Variants in LRRC37B observed in about 807,000 individuals in gnomAD.
LRRC37B encodes the protein leucine-rich repeat-containing protein 37B.
Under a neutral mutation model 98.3 loss-of-function variants are expected in LRRC37B, and 28 were observed. The observed-to-expected ratio is 0.28, with a 90% CI of 0.21 to 0.39. The LOEUF is 0.39. LRRC37B is among the 10% of genes least tolerant of loss of function. LRRC37B has a pLI of 1.00. For missense variants in LRRC37B, 938 were observed against 1,182.7 expected, an observed-to-expected ratio of 0.79 and a Z score of 3.03; for synonymous variants, 364 against 442.7, an observed-to-expected ratio of 0.82 and a Z score of 2.23.
In LRRC37B at chr17:32,032,906, G is replaced by A. The variant is rs374149505; in HGVS notation, c.2057+1448G>A. On this transcript the variant is annotated intron_variant, in intron 5 of 11. Transcript: ENST00000327564. The stretch of plus-strand genomic sequence containing the variant: ...TGGCCAGGAGCGGTGGCTCATGCCT[G>A]TAATTCCAGCACTTCTGAAGGCTGA... Among the ~76,000 whole-genome samples the A allele has an allele frequency of 2.3e-4, 35 of 152,312 alleles. No homozygotes were observed. The East Asian group carries it at 3.5e-3, about 15-fold the overall frequency.
At chr17:32,049,252 G>T (rs777212275) in exon 10 of LRRC37B, 6 of 1,612,948 alleles carry the variant, frequency 3.7e-6, no homozygotes, top group African/African-American at 1.3e-5. Flanking sequence ...CTCATGTTGC[G>T]AACAGGCCTC....
intron 9 of LRRC37B, among the ~76,000 whole-genome samples, chr17:32,048,661 T>C (rs965653435): frequency 6.6e-6 from 1 of 152,200 alleles, no homozygotes; most frequent in Non-Finnish European, 1.5e-5. Context: ...CTCACTCCCG[T>C]GTGGCCCACA....
intron 10 of LRRC37B, among the ~76,000 whole-genome samples, chr17:32,049,602 C>T (rs973371660): frequency 1.2e-4 from 19 of 152,150 alleles, no homozygotes; most frequent in African/African-American, 4.1e-4. Flanking sequence ...GGTGGTAGCT[C>T]ATGCCTGTAA....
chr17:32,010,921 A>G (rs1392708776), intron 1 of LRRC37B, among the ~76,000 whole-genome samples: 1 of 151,882 alleles, frequency 6.6e-6, no homozygotes, highest in African/African-American at 2.4e-5. Flanking sequence ...ACTTAACATA[A>G]TGTCCTCCAG....
intron 1 of LRRC37B, among the ~76,000 whole-genome samples, chr17:32,015,136 G>A (rs1910624052): frequency 6.6e-6 from 1 of 152,044 alleles, no homozygotes; most frequent in Non-Finnish European, 1.5e-5. Flanking sequence ...TCAAAAAAAA[G>A]AAAGCACCTG....
chr17:32,010,379 T>A (rs762891512), intron 1 of LRRC37B, among the ~76,000 whole-genome samples: 2 of 152,258 alleles, frequency 1.3e-5, no homozygotes, highest in Non-Finnish European at 2.9e-5. Flanking sequence ...GTTATTCTTT[T>A]GATTATTACA....
rs771383034 is a variant in LRRC37B, at chr17:32,049,354, A to G, written c.2717A>G (p.Asn906Ser). Residue 906 changes from asparagine to serine, a missense_variant, in exon 10 of 12, where the codon AAC becomes AGC. By Grantham distance (46) the Asn-to-Ser change is conservative. Around this residue, in one of 2 missense-constraint regions of LRRC37B, gnomAD observed 328 missense variants for 557.0 expected, o/e 0.59. Transcript: ENST00000327564. Reference sequence around the variant, plus strand: ...CAAAAAACAAATTATATTAATGAGAACATGGAACAGAATGAACAGAAAGAG... The same window carrying G: ...CAAAAAACAAATTATATTAATGAGAGCATGGAACAGAATGAACAGAAAGAG... 2.5e-6 allele frequency: 4 copies of G among 1,612,560 alleles called. No individual in the cohort carries two copies. The East Asian group carries it at 8.9e-5, about 36-fold the overall frequency.
chr17:32,015,873 G>A (rs536746582), intron 1 of LRRC37B, among the ~76,000 whole-genome samples: 2 of 152,334 alleles, frequency 1.3e-5, no homozygotes, highest in Non-Finnish European at 2.9e-5. Flanking sequence ...ATGGAGGACC[G>A]TACAAAGTGT....
At chr17:32,035,114 T>C (rs1212005787) in intron 6 of LRRC37B, 133 bp downstream of exon 9, 2 of 674,244 alleles carry the variant, frequency 3.0e-6, no homozygotes, top group Non-Finnish European at 4.9e-6. Context: ...AAAAAAGTTA[T>C]TGGCAAAGAA....
chr17:32,032,330 C>G (rs1431391821), intron 5 of LRRC37B, among the ~76,000 whole-genome samples: 5 of 151,838 alleles, frequency 3.3e-5, no homozygotes, highest in African/African-American at 1.2e-4. Context: ...GCGTGAGCCA[C>G]CATGCCTGGC....
chr17:32,040,357 T>G, intron 7 of LRRC37B: 2 of 401,840 alleles, frequency 5.0e-6, no homozygotes, highest in Middle Eastern at 7.9e-4. Context: ...GTGGGGCCCC[T>G]GAGGCGTGCA....
chr17:32,031,678 T>C (rs1911113576), intron 5 of LRRC37B, among the ~76,000 whole-genome samples: 1 of 151,678 alleles, frequency 6.6e-6, no homozygotes, highest in Non-Finnish European at 1.5e-5. Context: ...ACCTATGGCA[T>C]GGGCAAGAAA....
chr17:32,022,680 C>G (rs1195408402), exon 1 of LRRC37B: 1 of 1,613,914 alleles, frequency 6.2e-7, no homozygotes, highest in Non-Finnish European at 8.5e-7. Flanking sequence ...ACCAGAGGAA[C>G]AGAAGGCCTC....
At chr17:32,007,801 G>A, upstream of LRRC37B, 1 of 1,186,072 alleles carries the variant, frequency 8.4e-7, no homozygotes, top group Middle Eastern at 3.4e-4. This position sits in a 1 kb window ranked among gnomAD's most constrained non-coding sequence, Gnocchi z 4.1. Context: ...AGCTCGCCCA[G>A]GGTGGGCAGC....
intron 11 of LRRC37B, 45 bp from the exon 15 acceptor site, chr17:32,053,221 G>C (rs368242809): frequency 1.5e-6 from 2 of 1,336,252 alleles, no homozygotes; most frequent in East Asian, 4.6e-5. Flanking sequence ...TGGAGATAGT[G>C]GTTGTTGTGA....
intron 11 of LRRC37B, 160 bp from the exon 15 acceptor site, chr17:32,053,106 T>G (rs1911805257): frequency 1.6e-6 from 1 of 639,782 alleles, no homozygotes; most frequent in East Asian, 2.9e-5. Flanking sequence ...GACTGAACTG[T>G]GGAAGAATCA....
chr17:32,018,496 T>C (rs529695866), upstream of LRRC37B, among the ~76,000 whole-genome samples: 1 of 152,284 alleles, frequency 6.6e-6, no homozygotes, highest in African/African-American at 2.4e-5. Flanking sequence ...CCTAAAGTCT[T>C]GACCCTTGGT....
upstream of LRRC37B, chr17:32,020,606 A>C (rs1031905742): frequency 2.0e-6 from 1 of 502,832 alleles, no homozygotes; most frequent in African/African-American, 2.1e-5. Context: ...ATTATCAAAC[A>C]TGCGACAGTT....
chr17:32,033,566 T>C (rs1207288299), intron 5 of LRRC37B, among the ~76,000 whole-genome samples: 1 of 152,220 alleles, frequency 6.6e-6, no homozygotes, highest in Non-Finnish European at 1.5e-5. Flanking sequence ...TCCTCATTTA[T>C]AAAATAGGGC....
Sources: allele counts gnomAD v4.1 joint callset (sites outside exome capture counted in the v4.1 genomes callset), GRCh38; gene constraint gnomAD v4.1.1; regional missense constraint gnomAD v4.1.1; non-coding constraint Gnocchi (gnomAD v3.1); transcripts MANE v1.5; gene names NCBI Gene and HGNC (gene_info 2026-07-23, HGNC 2026-07-21).